Variants in RFX7 observed in about 807,000 individuals in gnomAD.
RFX7 encodes the protein regulatory factor X7.
RFX7 carries 26 observed loss-of-function variants against 111.8 expected under a neutral mutation model. The ratio of observed to expected loss-of-function variants is 0.23; its 90% CI spans 0.17 to 0.32. The LOEUF is 0.32. Among genes scored for constraint, RFX7 ranks in the 10% least tolerant of loss-of-function variants. The pLI is 1.00. For missense variants in RFX7, 1,573 were observed against 1,772.9 expected (o/e 0.89, Z 2.02); for synonymous variants, 624 against 624.4 (o/e 1.00, Z 0.01).
intron 5 of RFX7, among the ~76,000 whole-genome samples, chr15:56,123,555 C>A (rs1052887478): frequency 2.6e-5 from 4 of 152,194 alleles, no homozygotes; most frequent in African/African-American, 9.7e-5. Flanking sequence ...TGCAGGCACT[C>A]CCTTGGCCAC....
chr15:56,108,383 A>C (rs1283449105), intron 5 of RFX7, among the ~76,000 whole-genome samples: 2 of 152,208 alleles, frequency 1.3e-5, no homozygotes, highest in African/African-American at 2.4e-5. Flanking sequence ...CTGGGAAGCA[A>C]GGTTGGTTCA....
Position 56,243,558 on chromosome 15 carries a change from C to A in RFX7, c.-116G>T. The stretch of plus-strand genomic sequence containing the variant: ...GCGGGAGAGGCATGGCGGCGCCCCT[C>A]AGCCCCCCGCTGGCGCCGCCGCCTC... On this transcript the variant is annotated 5_prime_UTR_variant, in exon 1 of 10. Coordinates refer to ENST00000559447, the MANE Select transcript of RFX7 (RefSeq NM_022841.7). The A allele has an allele frequency of 3.1e-6, 3 of 968,732 alleles. No individual in the cohort carries two copies. The highest frequency in any genetic ancestry group is 9.6e-5 in the South Asian group (2 of 20,914). The allele number at this position is 968,732 out of a possible 1,614,324, so 60.0% of individuals were successfully genotyped here.
intron 5 of RFX7, among the ~76,000 whole-genome samples, chr15:56,110,253 T>G (rs1384785931): frequency 2.5e-5 from 2 of 78,688 alleles, no homozygotes; most frequent in African/African-American, 4.6e-5. Context: ...AGCCGCCCCG[T>G]CCGGGAGGGA....
chr15:56,153,805 A>C (rs1203358472), intron 3 of RFX7, among the ~76,000 whole-genome samples: 1 of 152,062 alleles, frequency 6.6e-6, no homozygotes, highest in Non-Finnish European at 1.5e-5. Context: ...CAATCAGGAA[A>C]GACAAAGCAT....
intron 2 of RFX7, among the ~76,000 whole-genome samples, chr15:56,216,545 A>G (rs2247838): frequency 0.58 from 87,603 of 151,976 alleles, 26,219 homozygotes; most frequent in East Asian, 0.86. Flanking sequence ...CATTTAATAC[A>G]AGTTTGCAAA....
intron 3 of RFX7, among the ~76,000 whole-genome samples, chr15:56,172,856 T>C (rs530915508): frequency 6.6e-6 from 1 of 152,296 alleles, no homozygotes; most frequent in African/African-American, 2.4e-5. Flanking sequence ...TAGCTGTTAA[T>C]AGACTTCTGC....
rs1445638583 is a variant in RFX7, at chr15:56,092,058, A to G, written c.*1287T>C. 6.6e-6 allele frequency: 1 copy of G among 152,484 alleles called. No homozygotes were observed. Among genetic ancestry groups the G allele is most frequent in the African/African-American group, 2.4e-5 (1 of 41,466 alleles). The allele number at this position is 152,484 out of a possible 1,614,324, so 9.4% of individuals were successfully genotyped here. A position where few individuals can be genotyped will look rare whatever the true frequency, so the allele number is the denominator to read the frequency against. ...AACCAGTGAGTAGGTTTGTGTCAAC[A>G]TGCAACTCATAAATAATTATTCACA... On this transcript the variant is annotated 3_prime_UTR_variant, in exon 10 of 10. Transcript: ENST00000559447.
intron 9 of RFX7, among the ~76,000 whole-genome samples, chr15:56,097,828 C>T (rs1567005708): frequency 6.8e-6 from 1 of 146,704 alleles, no homozygotes; most frequent in East Asian, 2.2e-4. Context: ...CTCACTCTTA[C>T]ATAAAGCTCT....
intron 3 of RFX7, among the ~76,000 whole-genome samples, chr15:56,172,728 A>G (rs1344393424): frequency 6.6e-6 from 1 of 152,220 alleles, no homozygotes; most frequent in East Asian, 1.9e-4. Flanking sequence ...AGAAGAGGCG[A>G]GTTTAGTAGC....
chr15:56,245,035 A>C (rs1235171117), upstream of RFX7, among the ~76,000 whole-genome samples: 1 of 152,042 alleles, frequency 6.6e-6, no homozygotes, highest in Non-Finnish European at 1.5e-5. Context: ...CTTCAGCTTT[A>C]ACTTTTCTGA....
At chr15:56,177,078 T>C (rs1487106032) in intron 3 of RFX7, among the ~76,000 whole-genome samples, 1 of 152,178 alleles carries the variant, frequency 6.6e-6, no homozygotes, top group Non-Finnish European at 1.5e-5. Flanking sequence ...CATTCTCTAC[T>C]TCCTTCCGTA....
intron 5 of RFX7, among the ~76,000 whole-genome samples, chr15:56,138,745 A>G (rs1206122461): frequency 1.8e-4 from 28 of 152,124 alleles, no homozygotes; most frequent in African/African-American, 4.3e-4. Context: ...ATTTTGCAGC[A>G]GCTGGTACTG....
intron 5 of RFX7, among the ~76,000 whole-genome samples, chr15:56,113,550 G>A (rs2041966589): frequency 6.6e-6 from 1 of 152,082 alleles, no homozygotes. Flanking sequence ...TAATGCATGA[G>A]GGGCTTAATA....
At chr15:56,164,659 C>T (rs770747728) in intron 3 of RFX7, among the ~76,000 whole-genome samples, 24 of 152,204 alleles carry the variant, frequency 1.6e-4, no homozygotes, top group Non-Finnish European at 3.2e-4. Context: ...CTGATTTTAA[C>T]TATGCTAAAA....
chr15:56,132,736 A>C (rs1168231854), intron 5 of RFX7, among the ~76,000 whole-genome samples: 5 of 152,146 alleles, frequency 3.3e-5, no homozygotes, highest in African/African-American at 9.6e-5. Flanking sequence ...AATCTTGAAA[A>C]ACATTTATGT....
chr15:56,126,428 T>C (rs141854599), intron 5 of RFX7, among the ~76,000 whole-genome samples: 1 of 152,294 alleles, frequency 6.6e-6, no homozygotes, highest in African/African-American at 2.4e-5. Context: ...CAAATCCTCA[T>C]CACAAACAAT....
At chr15:56,158,086 T>C (rs961969933) in intron 3 of RFX7, among the ~76,000 whole-genome samples, 2 of 152,200 alleles carry the variant, frequency 1.3e-5, no homozygotes, top group Admixed American at 6.5e-5. Context: ...ATAACCCATA[T>C]TACATAAGAC....
In RFX7 at chr15:56,090,240, T is replaced by G. The variant is rs2041580220; in HGVS notation, c.*3105A>C. 6.6e-6 allele frequency: 1 copy of G among 152,204 alleles called. No individual in the cohort carries two copies. Among genetic ancestry groups the G allele is most frequent in the Non-Finnish European group, 1.5e-5 (1 of 68,024 alleles). The allele number at this position is 152,204 out of a possible 1,614,324, so 9.4% of individuals were successfully genotyped here. A position where few individuals can be genotyped will look rare whatever the true frequency, so the allele number is the denominator to read the frequency against. On this transcript the variant is annotated 3_prime_UTR_variant, in exon 10 of 10. Transcript: ENST00000559447. ...CCTAGGTACTCCATAGGCTAACATT[T>G]AAACACTATGTGAAAGAGAAAAAGA... is the stretch of plus-strand genomic sequence containing the variant.
Position 56,167,220 on chromosome 15 carries a change from A to G in RFX7, c.195+12050T>C, listed in dbSNP as rs375568588. Among the ~76,000 whole-genome samples the G allele has an allele frequency of 4.6e-5, 7 of 152,258 alleles. No individual in the cohort carries two copies. The South Asian group carries it at 8.3e-4, about 18-fold the overall frequency. On this transcript the variant is annotated intron_variant, in intron 3 of 9. Coordinates refer to ENST00000559447, the MANE Select transcript of RFX7 (RefSeq NM_022841.7). ...CTTCTCAGGAGGCTGAGGCAGAAGG[A>G]TCACTTGAGTTGAGCTCAGGAATTT...
Sources: allele counts gnomAD v4.1 joint callset (sites outside exome capture counted in the v4.1 genomes callset), GRCh38; gene constraint gnomAD v4.1.1; transcripts MANE v1.5; gene names NCBI Gene and HGNC (gene_info 2026-07-23, HGNC 2026-07-21).